The following CHN2 variants were observed in gnomAD, a reference collection of about 807,000 sequenced individuals.
The protein encoded by CHN2 is beta-chimaerin.
Under a neutral mutation model 56.3 loss-of-function variants are expected in CHN2, and 35 were observed. The ratio of observed to expected loss-of-function variants is 0.62; its 90% CI spans 0.47 to 0.82. The LOEUF is 0.82. Ranked by LOEUF, CHN2 falls within the 40% of genes least tolerant of loss-of-function variation. The probability of loss-of-function intolerance (pLI) is 0.00; values close to 1 mark genes in which losing one functional copy is unlikely to be tolerated. For missense variants in CHN2, 491 were observed against 580.5 expected (o/e 0.85, Z 1.58); for synonymous variants, 210 against 212.8 (o/e 0.99, Z 0.12).
chr7:29,440,208 T>C lies in CHN2; in HGVS notation c.576+39380T>C, dbSNP rs115203908. Among the ~76,000 whole-genome samples, 478 of 152,348 alleles carry C rather than the reference T, an allele frequency of 3.1e-3. 4 individuals carry two copies. The highest frequency in any genetic ancestry group is 0.011 in the African/African-American group (460 of 41,580). On this transcript the variant is annotated intron_variant, in intron 6 of 12. Coordinates refer to ENST00000222792, the MANE Select transcript of CHN2 (RefSeq NM_004067.4). ...GGTAGTTTATCTGCATTAAATATGC[T>C]CTTTTGTGGCTAAAATGTAGTATAT...
intron 9 of CHN2, among the ~76,000 whole-genome samples, chr7:29,500,252 G>T (rs1417057321): frequency 6.6e-6 from 1 of 151,990 alleles, no homozygotes; most frequent in East Asian, 1.9e-4. Context: ...ATGCATATAT[G>T]CATTCAAAAA....
intron 1 of CHN2, among the ~76,000 whole-genome samples, chr7:29,264,069 G>A (rs1172649575): frequency 1.1e-4 from 16 of 149,088 alleles, no homozygotes; most frequent in African/African-American, 1.7e-4. Flanking sequence ...CCGCCGCCCC[G>A]TCCGGGAGGT....
chr7:29,349,652 A>C (rs1797725297), intron 1 of CHN2, among the ~76,000 whole-genome samples: 1 of 152,220 alleles, frequency 6.6e-6, no homozygotes, highest in Non-Finnish European at 1.5e-5. Context: ...GATTCCCATG[A>C]ATAGAATTGC....
chr7:29,505,549 TG>T (rs1790472934), intron 10 of CHN2, among the ~76,000 whole-genome samples: 1 of 152,326 alleles, frequency 6.6e-6, no homozygotes, highest in African/African-American at 2.4e-5. Flanking sequence ...ACACCCTATT[TG>T]TTGCCATGAA....
chr7:29,360,780 A>T (rs770209812), intron 2 of CHN2, among the ~76,000 whole-genome samples: 1 of 152,192 alleles, frequency 6.6e-6, no homozygotes, highest in Non-Finnish European at 1.5e-5. Context: ...TCCCTGCAGG[A>T]TCTCTTAGGA....
intron 1 of CHN2, among the ~76,000 whole-genome samples, chr7:29,315,544 T>C (rs1794896560): frequency 6.6e-6 from 1 of 152,212 alleles, no homozygotes; most frequent in Non-Finnish European, 1.5e-5. Context: ...CCTATTACTC[T>C]GTGGTTCACC....
intron 1 of CHN2, among the ~76,000 whole-genome samples, chr7:29,250,889 T>C (rs938853959): frequency 3.3e-5 from 5 of 152,088 alleles, no homozygotes; most frequent in African/African-American, 4.8e-5. Context: ...TTTGTATTTT[T>C]ACTAGAGACG....
At chr7:29,149,756 T>A (rs1210405647) in intron 2 of CHN2, among the ~76,000 whole-genome samples, 1 of 152,076 alleles carries the variant, frequency 6.6e-6, no homozygotes, top group Admixed American at 6.5e-5. Context: ...GTTCCTTGGC[T>A]TGTGGCAGCA....
intron 1 of CHN2, among the ~76,000 whole-genome samples, chr7:29,206,930 C>G (rs910350674): frequency 2.0e-5 from 3 of 152,124 alleles, no homozygotes; most frequent in Non-Finnish European, 4.4e-5. Flanking sequence ...GAGTTGTCCC[C>G]TGCGGCTGAG....
intron 1 of CHN2, among the ~76,000 whole-genome samples, chr7:29,233,967 G>A (rs1375895643): frequency 6.7e-6 from 1 of 148,724 alleles, no homozygotes; most frequent in Non-Finnish European, 1.5e-5. Context: ...CCAAGTAGCT[G>A]GGACTACAGG....
intron 10 of CHN2, among the ~76,000 whole-genome samples, chr7:29,506,715 C>A (rs766959983): frequency 6.6e-6 from 1 of 152,072 alleles, no homozygotes; most frequent in African/African-American, 2.4e-5. Flanking sequence ...GATTAAAGTC[C>A]TAGGGGATCA....
chr7:29,162,996 G>A (rs1448798180), intron 2 of CHN2, among the ~76,000 whole-genome samples: 1 of 152,134 alleles, frequency 6.6e-6, no homozygotes, highest in Non-Finnish European at 1.5e-5. Flanking sequence ...ATATGCATGA[G>A]GTGTAGTTAA....
At chr7:29,472,077 T>G (rs1012796655) in intron 6 of CHN2, among the ~76,000 whole-genome samples, 2 of 152,174 alleles carry the variant, frequency 1.3e-5, no homozygotes, top group African/African-American at 4.8e-5. Flanking sequence ...GCTGGGTTGA[T>G]AAAAGATAAC....
rs1286262365 is a variant in CHN2, at chr7:29,220,271, A to AG, written c.49+25281_49+25282insG. Among the ~76,000 whole-genome samples the AG allele has an allele frequency of 1.8e-3, 192 of 106,070 alleles. No individual in the cohort carries two copies. In the East Asian group the frequency reaches 0.049, roughly 27 times the overall value. 69.6% of individuals were successfully genotyped at this position (106,070 alleles called of 152,430 possible). A position where few individuals can be genotyped will look rare whatever the true frequency, so the allele number is the denominator to read the frequency against. On this transcript the variant is annotated intron_variant, in intron 1 of 12. Coordinates refer to ENST00000222792, the MANE Select transcript of CHN2 (RefSeq NM_004067.4). ...GGCCACAGAGGGAGACCCTGTCTTAAAAAAAAAAAAGAGAGAGAGAGAGAG... is the reference window on the plus strand; with the variant it reads ...GGCCACAGAGGGAGACCCTGTCTTAAGAAAAAAAAAAGAGAGAGAGAGAGAG...
intron 1 of CHN2, among the ~76,000 whole-genome samples, chr7:29,261,158 G>A (rs2128831336): frequency 6.6e-6 from 1 of 152,110 alleles, no homozygotes; most frequent in East Asian, 1.9e-4. Context: ...TGTGTTTTAT[G>A]TATTATCTCC....
chr7:29,165,457 A>G (rs1795789550), intron 2 of CHN2, among the ~76,000 whole-genome samples: 1 of 152,106 alleles, frequency 6.6e-6, no homozygotes, highest in Non-Finnish European at 1.5e-5. Flanking sequence ...TAAATCACCT[A>G]TACTGGTTCA....
intron 1 of CHN2, among the ~76,000 whole-genome samples, chr7:29,208,457 CTGT>C (rs1480617429): frequency 1.3e-5 from 2 of 152,202 alleles, no homozygotes; most frequent in African/African-American, 4.8e-5. Context: ...TACAGTGACT[CTGT>C]TGTTCTGTGT....
chr7:29,389,280 C>T (rs939976961), intron 3 of CHN2, among the ~76,000 whole-genome samples: 78 of 152,202 alleles, frequency 5.1e-4, no homozygotes, highest in African/African-American at 1.8e-3. Context: ...CTAGTTTGGT[C>T]ACTCACCCCG....
At chr7:29,510,551 C>T (rs577404984) in intron 12 of CHN2, among the ~76,000 whole-genome samples, 91 of 152,288 alleles carry the variant, frequency 6.0e-4, no homozygotes, top group Middle Eastern at 3.4e-3. Context: ...GACTGAAGGC[C>T]TCACTCCCTC....
Sources: allele counts gnomAD v4.1 joint callset (sites outside exome capture counted in the v4.1 genomes callset), GRCh38; gene constraint gnomAD v4.1.1; transcripts MANE v1.5; gene names NCBI Gene and HGNC (gene_info 2026-07-23, HGNC 2026-07-21).